MOV10L1: variants seen among roughly 807,000 people sequenced by gnomAD.
The protein encoded by MOV10L1 is Mov10 like RNA helicase 1.
MOV10L1 carries 110 observed loss-of-function variants against 143.8 expected under a neutral mutation model. The ratio of observed to expected loss-of-function variants is 0.76; its 90% CI spans 0.66 to 0.90. MOV10L1 has a LOEUF of 0.90. Among genes scored for constraint, MOV10L1 ranks in the 40% least tolerant of loss-of-function variants. The pLI is 0.00. For synonymous variants in MOV10L1, 593 were observed against 581.1 expected, an observed-to-expected ratio of 1.02 and a Z score of -0.29; for missense variants, 1,406 against 1,526.8, an observed-to-expected ratio of 0.92 and a Z score of 1.32.
chr22:50,126,298 T>C, intron 12 of MOV10L1, 26 bp downstream of exon 12: 1 of 1,570,866 alleles, frequency 6.4e-7, no homozygotes, highest in Non-Finnish European at 8.8e-7. Context: ...CTTAATGAGT[T>C]TGTGTTAGAC....
rs751219509 is a variant in MOV10L1 at position 50,092,085 on chromosome 22, C to T, written c.182C>T (p.Ser61Phe). 1.9e-6 allele frequency: 3 copies of T among 1,614,010 alleles called. No homozygotes were observed. The highest frequency in any genetic ancestry group is 2.5e-6 in the Non-Finnish European group (3 of 1,180,020). The change falls in exon 2 of 27, where the codon TCC becomes TTC. Residue 61 changes from serine to phenylalanine, a missense_variant. Ser to Phe is a radical substitution (Grantham distance 155). Around this residue, in one of 3 missense-constraint regions of MOV10L1, gnomAD observed 166 missense variants for 153.9 expected, o/e 1.08. Coordinates refer to ENST00000262794, the MANE Select transcript of MOV10L1 (RefSeq NM_018995.3). Reference protein sequence around the residue: ...YGMIDDMIYFSSDAVTSRVLL... With the variant: ...YGMIDDMIYFFSDAVTSRVLL... ...ATGATTGATGATATGATCTACTTCT[C>T]CAGTGATGCTGTGACTAGCAGAGTG...
At chr22:50,156,343 T>G (rs9628266) in intron 22 of MOV10L1, among the ~76,000 whole-genome samples, 8,431 of 152,136 alleles carry the variant, frequency 0.055, 295 homozygotes, top group African/African-American at 0.088. Flanking sequence ...CTCGAACTCT[T>G]GACCTCAAGT....
At chr22:50,107,883 G>A (rs533674027) in intron 3 of MOV10L1, among the ~76,000 whole-genome samples, 10 of 152,326 alleles carry the variant, frequency 6.6e-5, no homozygotes, top group East Asian at 1.9e-4. Flanking sequence ...GGACTGCCAC[G>A]AGCATGCACA....
chr22:50,144,309 T>C, intron 18 of MOV10L1, 66 bp downstream of exon 18: 1 of 1,526,458 alleles, frequency 6.6e-7, no homozygotes, highest in Non-Finnish European at 8.8e-7. Flanking sequence ...AAATGCCAAG[T>C]GGACAGGGGA....
chr22:50,130,672 T>C (rs548234430), intron 13 of MOV10L1, among the ~76,000 whole-genome samples: 4 of 142,450 alleles, frequency 2.8e-5, no homozygotes, highest in Non-Finnish European at 6.2e-5. Flanking sequence ...GCAGCTGTGT[T>C]GGATGATGAC....
intron 4 of MOV10L1, 125 bp downstream of exon 4, chr22:50,108,373 A>G: frequency 3.3e-6 from 3 of 913,880 alleles, no homozygotes; most frequent in South Asian, 1.4e-5. Context: ...TGTCATGGCC[A>G]AAGAGGAGTG....
At chr22:50,122,326 T>C (rs766015922) in intron 10 of MOV10L1, among the ~76,000 whole-genome samples, 3 of 152,232 alleles carry the variant, frequency 2.0e-5, no homozygotes, top group Non-Finnish European at 2.9e-5. Flanking sequence ...TGTAAATACA[T>C]TGCTCTCATA....
Position 50,142,209 on chromosome 22 carries a change from A to G in MOV10L1, c.2179+20A>G. The G allele has an allele frequency of 6.3e-7, 1 of 1,588,276 alleles. No homozygotes were observed. Among genetic ancestry groups the G allele is most frequent in the Non-Finnish European group, 8.6e-7 (1 of 1,165,538 alleles). ...ATTGGGGTATGTGCTCATGAGGGGC[A>G]AGGAGAAGAGCAACTCTGAGACTGT... On this transcript the variant is annotated intron_variant, in intron 16 of 26. Coordinates refer to ENST00000262794, the MANE Select transcript of MOV10L1 (RefSeq NM_018995.3).
intron 10 of MOV10L1, among the ~76,000 whole-genome samples, chr22:50,122,394 A>G (rs1311515422): frequency 6.6e-6 from 1 of 152,064 alleles, no homozygotes; most frequent in African/African-American, 2.4e-5. Flanking sequence ...TTGTCCTTTG[A>G]TTTTGTACCC....
At chr22:50,149,003 C>T (rs2063225612) in intron 19 of MOV10L1, among the ~76,000 whole-genome samples, 1 of 152,232 alleles carries the variant, frequency 6.6e-6, no homozygotes, top group Non-Finnish European at 1.5e-5. Flanking sequence ...TGGGAAGTGG[C>T]TCCCAGGGCC....
chr22:50,119,324 G>A (rs565322569), intron 9 of MOV10L1, among the ~76,000 whole-genome samples: 4 of 152,210 alleles, frequency 2.6e-5, no homozygotes, highest in East Asian at 1.9e-4. Context: ...CTGCCCACGC[G>A]GGCATTGGCG....
Position 50,115,809 on chromosome 22 carries a change from C to T in MOV10L1, c.1259+563C>T, listed in dbSNP as rs148109362. Among the ~76,000 whole-genome samples, 95 of 152,342 alleles carry T rather than the reference C, an allele frequency of 6.2e-4. 1 individual carries two copies. Among genetic ancestry groups the T allele is most frequent in the Admixed American group, 2.7e-3 (42 of 15,306 alleles). ...GTTGGCTCCTCTTCACTGCCTTGCC[C>T]GTGTTCCGCATAGCCAAGCCCTGGG... On this transcript the variant is annotated intron_variant, in intron 8 of 26. Coordinates refer to ENST00000262794, the MANE Select transcript of MOV10L1 (RefSeq NM_018995.3).
chr22:50,120,671 T>TC (rs774091843), intron 10 of MOV10L1, 55 bp downstream of exon 10: 61 of 1,281,148 alleles, frequency 4.8e-5, no homozygotes, highest in Non-Finnish European at 6.4e-5. Context: ...GCTCTTGTTT[T>TC]CTGACAAAGC....
chr22:50,126,975 T>C (rs2062525472), intron 12 of MOV10L1, among the ~76,000 whole-genome samples: 1 of 152,150 alleles, frequency 6.6e-6, no homozygotes, highest in Non-Finnish European at 1.5e-5. Flanking sequence ...TGTGGCTGAT[T>C]TCACAGAGTG....
chr22:50,139,184 C>T (rs4838849), intron 15 of MOV10L1, among the ~76,000 whole-genome samples: 34,544 of 151,874 alleles, frequency 0.23, 4,295 homozygotes, highest in Admixed American at 0.35. Flanking sequence ...GCAGGGCACG[C>T]GCAAAACATG....
intron 7 of MOV10L1, among the ~76,000 whole-genome samples, chr22:50,114,860 C>T (rs763873757): frequency 6.6e-6 from 1 of 152,166 alleles, no homozygotes; most frequent in Non-Finnish European, 1.5e-5. Flanking sequence ...CTGAGTACCT[C>T]GAAGCAGGGA....
chr22:50,090,176 C>T lies in MOV10L1; in HGVS notation c.88C>T (p.Leu30Phe). 1 of 1,419,148 alleles carries T rather than the reference C, an allele frequency of 7.0e-7. No individual in the cohort carries two copies. The highest frequency in any genetic ancestry group is 9.2e-7 in the Non-Finnish European group (1 of 1,088,352). 87.9% of individuals were successfully genotyped at this position (1,419,148 alleles called of 1,614,324 possible). The change falls in exon 1 of 27, where the codon CTC (leucine) becomes TTC (phenylalanine). Residue 30 changes from leucine to phenylalanine, a missense_variant. This residue lies in a region of MOV10L1 where 166 missense variants were observed against 153.9 expected (regional missense o/e 1.08). Transcript: ENST00000262794. The part of the protein sequence containing the change: ...REEAGQLEPE[L>F]AEGDTKLKTV... ...GGAAGCCGGGCAGCTGGAGCCCGAG[C>T]TCGCGGAAGGTGGCTCGCGGGAGGC...
chr22:50,148,670 T>C (rs2063216943), intron 19 of MOV10L1, among the ~76,000 whole-genome samples: 2 of 151,418 alleles, frequency 1.3e-5, no homozygotes, highest in Non-Finnish European at 1.5e-5. Flanking sequence ...TTTCTTTTTT[T>C]TTTTTTTTTA....
chr22:50,146,024 G>A (rs1243234351), intron 19 of MOV10L1, among the ~76,000 whole-genome samples: 3 of 152,212 alleles, frequency 2.0e-5, no homozygotes, highest in Non-Finnish European at 4.4e-5. Context: ...GCAGTGGGAT[G>A]GGCAGGCAGA....
Sources: allele counts gnomAD v4.1 joint callset (sites outside exome capture counted in the v4.1 genomes callset), GRCh38; gene constraint gnomAD v4.1.1; regional missense constraint gnomAD v4.1.1; transcripts MANE v1.5; gene names NCBI Gene and HGNC (gene_info 2026-07-23, HGNC 2026-07-21).